INPP5A: variants seen among roughly 807,000 people sequenced by gnomAD.
The protein encoded by INPP5A is 43 kDa inositol polyphosphate 5-phophatase.
A neutral mutation model predicts 65.2 loss-of-function variants in INPP5A; 14 were observed. The ratio of observed to expected loss-of-function variants is 0.21; its 90% confidence interval spans 0.14 to 0.34. The LOEUF (loss-of-function observed/expected upper bound fraction) is 0.34. INPP5A is among the 10% of genes least tolerant of loss of function. The pLI, the probability that INPP5A is intolerant of heterozygous loss-of-function variation, is 1.00. For synonymous variants in INPP5A, 207 were observed against 208.3 expected, an observed-to-expected ratio of 0.99 and a Z score of 0.05; for missense variants, 431 against 545.6, an observed-to-expected ratio of 0.79 and a Z score of 2.09.
chr10:132,633,021 TGGG>T (rs1204738243), intron 2 of INPP5A, among the ~76,000 whole-genome samples: 1 of 152,154 alleles, frequency 6.6e-6, no homozygotes, highest in Non-Finnish European at 1.5e-5. Flanking sequence ...CCTGGGGAGT[TGGG>T]GGGCTGGTTC....
At chr10:132,730,745 G>A (rs1036664714) in intron 9 of INPP5A, among the ~76,000 whole-genome samples, 1 of 152,214 alleles carries the variant, frequency 6.6e-6, no homozygotes, top group Non-Finnish European at 1.5e-5. Context: ...GTGGCGTCTT[G>A]AAGTCCCAGC....
chr10:132,768,410 A>T (rs1846891325), intron 12 of INPP5A, among the ~76,000 whole-genome samples: 1 of 151,438 alleles, frequency 6.6e-6, no homozygotes, highest in African/African-American at 2.4e-5. Flanking sequence ...AGATCCATGG[A>T]CCCCGACCCT....
chr10:132,559,203 G>A (rs2071168080), intron 1 of INPP5A, among the ~76,000 whole-genome samples: 1 of 152,216 alleles, frequency 6.6e-6, no homozygotes, highest in Non-Finnish European at 1.5e-5. Context: ...GGTGGCTTCG[G>A]AGCTGTGGCA....
chr10:132,544,721 G>A (rs958079103), intron 1 of INPP5A, among the ~76,000 whole-genome samples: 3 of 152,062 alleles, frequency 2.0e-5, no homozygotes, highest in South Asian at 2.1e-4. Context: ...GCAGTTCTCC[G>A]TTTGCCAGCT....
chr10:132,631,861 C>G (rs780973302), intron 2 of INPP5A, among the ~76,000 whole-genome samples: 2 of 152,224 alleles, frequency 1.3e-5, no homozygotes, highest in Non-Finnish European at 2.9e-5. Flanking sequence ...ATTGACTGCC[C>G]TTTTTTCCTT....
intron 9 of INPP5A, among the ~76,000 whole-genome samples, chr10:132,744,878 G>A (rs902490335): frequency 6.6e-6 from 1 of 152,190 alleles, no homozygotes; most frequent in Non-Finnish European, 1.5e-5. Context: ...GCCTCACTTT[G>A]TGCAGCCGCC....
Position 132,555,915 on chromosome 10 carries a change from CCT to C in INPP5A, c.75+17748_75+17749del, listed in dbSNP as rs1398590714. Among the ~76,000 whole-genome samples, 1 of 152,106 alleles carries C rather than the reference CCT, an allele frequency of 6.6e-6. No homozygotes were observed. The highest frequency in any genetic ancestry group is 2.4e-5 in the African/African-American group (1 of 41,406). On this transcript the variant is annotated intron_variant, in intron 1 of 15. Transcript: ENST00000368594. This position sits in a 1 kb window ranked among gnomAD's most constrained non-coding sequence, Gnocchi z 4.4. ...CCCCTTTTCGTAAGAGGATGAACAG[CCT>C]CTCACCTGCTGGAATTCACCTTGGC... is the stretch of plus-strand genomic sequence containing the variant.
rs1363596860 is a variant in INPP5A, at chr10:132,551,826, G to A, written c.75+13655G>A. The stretch of plus-strand genomic sequence containing the variant: ...CAAGACTGTCAGAAGAGCCAGCCGG[G>A]GTCTTCTCTGAATAGTCGGCTGCAC... On this transcript the variant is annotated intron_variant, in intron 1 of 15. Transcript: ENST00000368594. The surrounding 1 kb of genome is among the most constrained non-coding windows in gnomAD (Gnocchi z 5.3). Among the ~76,000 whole-genome samples the A allele has an allele frequency of 6.6e-6, 1 of 152,210 alleles. No homozygotes were observed. Among genetic ancestry groups the A allele is most frequent in the Non-Finnish European group, 1.5e-5 (1 of 68,046 alleles).
intron 3 of INPP5A, among the ~76,000 whole-genome samples, chr10:132,649,773 G>A (rs1441859277): frequency 6.6e-6 from 1 of 152,178 alleles, no homozygotes; most frequent in Non-Finnish European, 1.5e-5. Context: ...GGGCTCCAGG[G>A]GTGTGCGGTG....
At chr10:132,612,166 G>A (rs1426101695) in intron 2 of INPP5A, among the ~76,000 whole-genome samples, 3 of 148,226 alleles carry the variant, frequency 2.0e-5, no homozygotes, top group African/African-American at 7.5e-5. Context: ...GAGAGGCCCT[G>A]TCAGAGAGGG....
At chr10:132,689,029 ATG>A (rs1375580980) in intron 4 of INPP5A, among the ~76,000 whole-genome samples, 6 of 150,350 alleles carry the variant, frequency 4.0e-5, no homozygotes, top group Non-Finnish European at 7.4e-5. Context: ...GAGTGCATAT[ATG>A]TGTTAATGTT....
chr10:132,635,464 T>C (rs908791315), intron 2 of INPP5A, among the ~76,000 whole-genome samples: 1 of 129,144 alleles, frequency 7.7e-6, no homozygotes, highest in Non-Finnish European at 1.6e-5. Context: ...GGCGCGATCT[T>C]GGCTCACTGC....
intron 2 of INPP5A, among the ~76,000 whole-genome samples, chr10:132,624,909 T>C (rs1590875821): frequency 2.0e-5 from 3 of 151,658 alleles, no homozygotes; most frequent in African/African-American, 7.3e-5. Flanking sequence ...CTGCCTCTTC[T>C]CCCATGTGGC....
Position 132,678,271 on chromosome 10 carries a change from G to A in INPP5A, c.307-12121G>A, listed in dbSNP as rs562515279. Reference sequence around the variant, plus strand: ...GCCGCCTTGTCCAGTTGGGTCAGCCGCCCATGAGTTCATTATACAGGAAAA... The same window carrying A: ...GCCGCCTTGTCCAGTTGGGTCAGCCACCCATGAGTTCATTATACAGGAAAA... On this transcript the variant is annotated intron_variant, in intron 4 of 15. Transcript: ENST00000368594. The surrounding 1 kb of genome is among the most constrained non-coding windows in gnomAD (Gnocchi z 4.1). Among the ~76,000 whole-genome samples, 6 of 152,292 alleles carry A rather than the reference G, an allele frequency of 3.9e-5. No homozygotes were observed. The highest frequency in any genetic ancestry group is 1.9e-4 in the East Asian group (1 of 5,192).
chr10:132,765,519 G>A (rs12570692), intron 11 of INPP5A, among the ~76,000 whole-genome samples: 4 of 152,172 alleles, frequency 2.6e-5, no homozygotes, highest in East Asian at 1.9e-4. Flanking sequence ...CTTCTCTGGC[G>A]TCACCAACAG....
intron 3 of INPP5A, among the ~76,000 whole-genome samples, chr10:132,647,749 T>C (rs1306376181): frequency 6.6e-6 from 1 of 152,172 alleles, no homozygotes; most frequent in Non-Finnish European, 1.5e-5. Flanking sequence ...ATCATTGGTG[T>C]CCTGTTGGGA....
At chr10:132,769,396 G>A (rs926584927) in intron 12 of INPP5A, among the ~76,000 whole-genome samples, 8 of 152,222 alleles carry the variant, frequency 5.3e-5, no homozygotes, top group African/African-American at 1.9e-4. Flanking sequence ...ACCTTGGGCT[G>A]CCTCTGCCTC....
intron 4 of INPP5A, among the ~76,000 whole-genome samples, chr10:132,655,333 AC>A (rs1280789448): frequency 6.9e-6 from 1 of 144,792 alleles, no homozygotes; most frequent in Non-Finnish European, 1.5e-5. Context: ...TCTCGGTACC[AC>A]GTTGGTACCC....
At chr10:132,719,263 A>T (rs1845811758) in intron 8 of INPP5A, among the ~76,000 whole-genome samples, 1 of 148,072 alleles carries the variant, frequency 6.8e-6, no homozygotes, top group Admixed American at 6.7e-5. Context: ...TGGGCACCTT[A>T]GACAGCTGTC....
Sources: gnomAD v4.1 joint callset for allele counts (sites outside exome capture counted in the v4.1 genomes callset) on GRCh38, gnomAD v4.1.1 for gene constraint, Gnocchi (gnomAD v3.1) non-coding constraint, MANE v1.5 for transcripts, NCBI Gene and HGNC (gene_info 2026-07-23, HGNC 2026-07-21) for gene names.